Variants in IL36B observed in about 807,000 individuals in gnomAD.
IL36B encodes the protein interleukin-36 beta.
A neutral mutation model predicts 19.3 loss-of-function variants in IL36B; 23 were observed. The observed-to-expected ratio is 1.19, with a 90% CI of 0.86 to 1.69. The LOEUF is 1.69. Among genes scored for constraint, IL36B ranks in the 40% most tolerant of loss-of-function variants. The pLI, the probability that IL36B is intolerant of heterozygous loss-of-function variation, is 0.00. For synonymous variants in IL36B, 59 were observed against 59.7 expected (o/e 0.99, Z 0.05); for missense variants, 217 against 200.5 (o/e 1.08, Z -0.50).
At chr2:113,041,397 G>A (rs775288061) in intron 1 of IL36B, among the ~76,000 whole-genome samples, 2 of 152,112 alleles carry the variant, frequency 1.3e-5, no homozygotes, top group African/African-American at 4.8e-5. Flanking sequence ...ATATCCATGA[G>A]AAAATATGAA....
intron 1 of IL36B, among the ~76,000 whole-genome samples, chr2:113,042,538 T>C (rs1418462908): frequency 6.6e-6 from 1 of 152,196 alleles, no homozygotes; most frequent in Non-Finnish European, 1.5e-5. Flanking sequence ...TCTGTCACTA[T>C]AGGTTTGTTT....
Position 113,050,703 on chromosome 2 carries a change from A to G in IL36B, c.-58+2114T>C, listed in dbSNP as rs539962940. 2.1e-3 allele frequency among the ~76,000 whole-genome samples: 320 copies of G among 152,366 alleles called. 3 individuals are homozygous for G. The highest frequency in any genetic ancestry group is 0.02 in the Middle Eastern group (6 of 294). On this transcript the variant is annotated intron_variant, in intron 1 of 5. Coordinates refer to ENST00000259213, the MANE Select transcript of IL36B (RefSeq NM_014438.5). ...CATCTATCGAATAAATAAGTTATCAAAAACAGCAAAAAGGGACAGATAATA... is the reference window on the plus strand; with the variant it reads ...CATCTATCGAATAAATAAGTTATCAGAAACAGCAAAAAGGGACAGATAATA...
At position 113,031,083 on chromosome 2, in the gene IL36B, AAAG is replaced by A. The variant is rs752696845; in HGVS notation, c.83_85del (p.Ser28del). ...GCTGCGGCTAAGAGGAGCTGCTATT[AAAG>A]AATTTCCACTCAGGACCCACACCAT... On this transcript the variant is annotated inframe_deletion, in exon 3 of 6. Transcript: ENST00000259213. 27 of 1,613,912 alleles carry A rather than the reference AAAG, an allele frequency of 1.7e-5. No individual in the cohort carries two copies. In the South Asian group the frequency reaches 2.5e-4, roughly 15 times the overall value.
intron 3 of IL36B, among the ~76,000 whole-genome samples, chr2:113,030,743 G>A (rs1234444164): frequency 2.0e-5 from 3 of 152,172 alleles, no homozygotes; most frequent in African/African-American, 7.2e-5. Context: ...GCAATGGTTG[G>A]AACCTGAAGG....
intron 4 of IL36B, chr2:113,027,703 T>C: frequency 1.4e-6 from 2 of 1,414,706 alleles, no homozygotes; most frequent in Non-Finnish European, 1.8e-6. Context: ...AGGTTTCATC[T>C]TGGGATAGTG....
intron 1 of IL36B, among the ~76,000 whole-genome samples, chr2:113,032,036 T>G (rs1259920152): frequency 6.6e-6 from 1 of 151,928 alleles, no homozygotes; most frequent in East Asian, 1.9e-4. Context: ...ACATCTGGGA[T>G]TGTTAGGAGG....
chr2:113,045,057 T>A (rs1482463292), intron 1 of IL36B, among the ~76,000 whole-genome samples: 1 of 152,186 alleles, frequency 6.6e-6, no homozygotes, highest in Non-Finnish European at 1.5e-5. Context: ...TTTAAATAAT[T>A]ATCTTTTAAA....
At chr2:113,026,389 C>T (rs1333147438) in intron 4 of IL36B, among the ~76,000 whole-genome samples, 1 of 152,092 alleles carries the variant, frequency 6.6e-6, no homozygotes, top group Non-Finnish European at 1.5e-5. Flanking sequence ...GGCACTGAAG[C>T]AATAAGAGAT....
chr2:113,027,145 T>C (rs1200726369), intron 4 of IL36B, among the ~76,000 whole-genome samples: 1 of 151,866 alleles, frequency 6.6e-6, no homozygotes, highest in Non-Finnish European at 1.5e-5. Flanking sequence ...AGAAAACATA[T>C]TTATTATTCA....
At chr2:113,044,260 ATGTGTG>A (rs56838257) in intron 1 of IL36B, among the ~76,000 whole-genome samples, 10,889 of 142,318 alleles carry the variant, frequency 0.077, 383 homozygotes, top group Non-Finnish European at 0.1. Context: ...CTATATCTAT[ATGTGTG>A]TGTGTGTGTG....
At chr2:113,028,785 G>A (rs548887399) in intron 4 of IL36B, among the ~76,000 whole-genome samples, 154 bp downstream of exon 4, 1 of 152,220 alleles carries the variant, frequency 6.6e-6, no homozygotes, top group Non-Finnish European at 1.5e-5. Flanking sequence ...TCCAAAGGCA[G>A]CATTTATAGA....
rs560653209 is a variant in IL36B, at chr2:113,051,956, T to TC, written c.-58+860_-58+861insG. ...ATTATCTTCTCTCCCTCTCTCCTTT[T>TC]TTTTTTTTTTGAGACAGAGTCTTGC... On this transcript the variant is annotated intron_variant, in intron 1 of 5. Transcript: ENST00000259213. 2.6e-5 allele frequency among the ~76,000 whole-genome samples: 4 copies of TC among 151,860 alleles called. No homozygotes were observed. The East Asian group carries it at 7.7e-4, about 29-fold the overall frequency.
intron 4 of IL36B, among the ~76,000 whole-genome samples, chr2:113,027,068 T>C (rs1684975541): frequency 6.6e-6 from 1 of 152,252 alleles, no homozygotes; most frequent in Non-Finnish European, 1.5e-5. Context: ...ATATGTATTA[T>C]ATAATGTATT....
At chr2:113,026,774 C>T (rs1211417625) in intron 4 of IL36B, among the ~76,000 whole-genome samples, 1 of 152,092 alleles carries the variant, frequency 6.6e-6, no homozygotes, top group Middle Eastern at 3.2e-3. Context: ...CTTCTTCCAG[C>T]AACTTTATAA....
chr2:113,032,603 C>G (rs1273963756), intron 1 of IL36B, among the ~76,000 whole-genome samples: 1 of 152,180 alleles, frequency 6.6e-6, no homozygotes, highest in Non-Finnish European at 1.5e-5. Flanking sequence ...CGAGGCTAAA[C>G]ACAGAGACAT....
chr2:113,040,864 T>A (rs1685244603), intron 1 of IL36B, among the ~76,000 whole-genome samples: 1 of 152,110 alleles, frequency 6.6e-6, no homozygotes, highest in Admixed American at 6.5e-5. Flanking sequence ...TTGGTTGAAA[T>A]TGCCAAGCTG....
intron 2 of IL36B, among the ~76,000 whole-genome samples, 187 bp from the exon 3 acceptor site, chr2:113,031,342 G>T (rs1037104172): frequency 4.6e-5 from 7 of 152,234 alleles, no homozygotes; most frequent in African/African-American, 1.7e-4. Flanking sequence ...CATTTGAAAG[G>T]ATCTACGTGC....
intron 1 of IL36B, among the ~76,000 whole-genome samples, chr2:113,039,788 T>C (rs1018544711): frequency 2.6e-5 from 4 of 152,206 alleles, no homozygotes; most frequent in Non-Finnish European, 4.4e-5. Flanking sequence ...AAGGCACGAG[T>C]TTATTTTTGT....
intron 1 of IL36B, among the ~76,000 whole-genome samples, chr2:113,046,208 C>CT (rs1179343491): frequency 0.015 from 168 of 11,196 alleles, 1 homozygote; most frequent in South Asian, 0.057. Flanking sequence ...CAGGTTTTTT[C>CT]TTTTTTTTTT....
Sources: gnomAD v4.1 joint callset for allele counts (sites outside exome capture counted in the v4.1 genomes callset) on GRCh38, gnomAD v4.1.1 for gene constraint, MANE v1.5 for transcripts, NCBI Gene and HGNC (gene_info 2026-07-23, HGNC 2026-07-21) for gene names.